Variants in TEKT3 observed in about 807,000 individuals in gnomAD.
The protein encoded by TEKT3 is tektin-3.
TEKT3 carries 49 observed loss-of-function variants against 49.8 expected under a neutral mutation model. The observed-to-expected ratio is 0.98, with a 90% CI of 0.78 to 1.25. The LOEUF is 1.25. Ranked by LOEUF, TEKT3 falls within the 50% of genes most tolerant of loss-of-function variation. The pLI is 0.00. For synonymous variants in TEKT3, 225 were observed against 237.2 expected (o/e 0.95, Z 0.47); for missense variants, 595 against 629.5 (o/e 0.95, Z 0.59).
At chr17:15,318,953 A>G (rs968769736) in intron 5 of TEKT3, 124 bp downstream of exon 5, 13 of 680,870 alleles carry the variant, frequency 1.9e-5, no homozygotes, top group Non-Finnish European at 2.4e-5. Flanking sequence ...TAACATTTGA[A>G]TAAAAATATG....
At chr17:15,309,793 T>A (rs1475144322) in intron 7 of TEKT3, among the ~76,000 whole-genome samples, 3 of 152,178 alleles carry the variant, frequency 2.0e-5, no homozygotes, top group African/African-American at 7.2e-5. Context: ...GCTGCTGTCA[T>A]GAAACTTCAG....
chr17:15,319,388 G>C (rs1049920463), intron 4 of TEKT3, among the ~76,000 whole-genome samples: 1 of 152,136 alleles, frequency 6.6e-6, no homozygotes, highest in African/African-American at 2.4e-5. Context: ...TATGGAACAA[G>C]TGGGGACATG....
At chr17:15,340,377 TAC>T (rs1311798578) in intron 1 of TEKT3, 2 of 63,356 alleles carry the variant, frequency 3.2e-5, no homozygotes, top group South Asian at 4.7e-4. Context: ...CTACTAAAAA[TAC>T]AAAAAAAAAA....
rs994811694 is a variant in TEKT3, at chr17:15,314,126, C to A, written c.839G>T (p.Gly280Val). The change falls in exon 6 of 9, where the codon GGT becomes GTT. Residue 280 changes from glycine to valine, a missense_variant. Transcript: ENST00000395930. ...CTCCACTCCGCGGAAGTAGCCGACA[C>A]CGTCTGATGTGTTGCGCAGGTGGTG... is the stretch of plus-strand genomic sequence containing the variant. Reference protein sequence around the residue: ...KCHHLRNTSDGVGYFRGVERV... With the variant: ...KCHHLRNTSDVVGYFRGVERV... 1.9e-6 allele frequency: 3 copies of A among 1,614,104 alleles called. No homozygotes were observed. Among genetic ancestry groups the A allele is most frequent in the Non-Finnish European group, 2.5e-6 (3 of 1,180,056 alleles).
chr17:15,309,561 C>T (rs544289878), intron 7 of TEKT3, among the ~76,000 whole-genome samples: 2 of 152,274 alleles, frequency 1.3e-5, no homozygotes, highest in South Asian at 4.1e-4. Context: ...TGTAGCTCCA[C>T]ATCCTCCCCA....
chr17:15,303,980 G>C lies in TEKT3; in HGVS notation c.1429C>G (p.Arg477Gly). 1 of 1,614,110 alleles carries C rather than the reference G, an allele frequency of 6.2e-7. No homozygotes were observed. Among genetic ancestry groups the C allele is most frequent in the South Asian group, 1.1e-5 (1 of 91,080 alleles). Residue 477 changes from arginine (R) to glycine (G), a missense_variant, in exon 9 of 9, where the codon CGC becomes GGC. Arg to Gly is a moderately radical substitution (Grantham distance 125). Coordinates refer to ENST00000395930, the MANE Select transcript of TEKT3 (RefSeq NM_031898.3). ...YIDQEKCMSM[R>G]KSYPNTLRLV... ...CGGAGGGTGTTGGGGTAGCTCTTGC[G>C]CATGCTCATGCATTTTTCCTGGTCG... is the stretch of plus-strand genomic sequence containing the variant.
chr17:15,333,967 G>C (rs1309779743), intron 2 of TEKT3, among the ~76,000 whole-genome samples: 1 of 151,860 alleles, frequency 6.6e-6, no homozygotes, highest in Non-Finnish European at 1.5e-5. Flanking sequence ...GTTTCACCAT[G>C]CTAGCCAGGA....
chr17:15,315,123 G>A (rs1040375988), intron 5 of TEKT3, among the ~76,000 whole-genome samples: 4 of 152,200 alleles, frequency 2.6e-5, no homozygotes, highest in South Asian at 2.1e-4. Context: ...CTAAGGAGCC[G>A]ACATGTTTCT....
At chr17:15,317,662 A>G (rs1326280640) in intron 5 of TEKT3, among the ~76,000 whole-genome samples, 1 of 152,194 alleles carries the variant, frequency 6.6e-6, no homozygotes, top group African/African-American at 2.4e-5. Flanking sequence ...CATATTCGAC[A>G]CTACTTCCTT....
At chr17:15,323,740 C>T (rs1237650005) in intron 4 of TEKT3, among the ~76,000 whole-genome samples, 1 of 152,136 alleles carries the variant, frequency 6.6e-6, no homozygotes, top group African/African-American at 2.4e-5. Context: ...AGAATGCATT[C>T]ACTACTTGAA....
chr17:15,321,915 G>T (rs1264476685), intron 4 of TEKT3, among the ~76,000 whole-genome samples: 3 of 152,210 alleles, frequency 2.0e-5, no homozygotes, highest in Non-Finnish European at 4.4e-5. Flanking sequence ...CTCTTGGGAG[G>T]TGGGGCTTGG....
At chr17:15,342,897 T>C (rs1435395963), upstream of TEKT3, among the ~76,000 whole-genome samples, 1 of 152,256 alleles carries the variant, frequency 6.6e-6, no homozygotes, top group Non-Finnish European at 1.5e-5. Context: ...CAGCAACTTT[T>C]TCTACATTCG....
At chr17:15,336,962 A>T (rs959826122) in intron 2 of TEKT3, among the ~76,000 whole-genome samples, 4 of 152,300 alleles carry the variant, frequency 2.6e-5, no homozygotes, top group Non-Finnish European at 5.9e-5. Context: ...CTATCACAAC[A>T]GGCTGAATGA....
chr17:15,308,432 C>T (rs2150732582), intron 8 of TEKT3, among the ~76,000 whole-genome samples: 1 of 152,274 alleles, frequency 6.6e-6, no homozygotes, highest in South Asian at 2.1e-4. Context: ...AGATCAGTGG[C>T]ATTAAGTACA....
chr17:15,331,571 A>G lies in TEKT3; in HGVS notation c.15T>C (p.Gly5=). The G allele has an allele frequency of 6.2e-7, 1 of 1,611,270 alleles. No homozygotes were observed. The highest frequency in any genetic ancestry group is 8.5e-7 in the Non-Finnish European group (1 of 1,178,328). MERV[G]CTLTTTYAHP... is the part of the protein sequence containing the mutation. ...GGGCGTAAGTTGTCGTTAAAGTACA[A>G]CCTACACGTTCCATGATGCCAAAAC... The change falls in exon 3 of 9, where the codon GGT becomes GGC. Residue 5 remains glycine (G), a synonymous_variant. Coordinates refer to ENST00000395930, the MANE Select transcript of TEKT3 (RefSeq NM_031898.3).
At chr17:15,314,950 AC>A (rs1358407865) in intron 5 of TEKT3, among the ~76,000 whole-genome samples, 1 of 152,106 alleles carries the variant, frequency 6.6e-6, no homozygotes, top group Non-Finnish European at 1.5e-5. Flanking sequence ...CAGACAGGGG[AC>A]CCACAGCTTA....
chr17:15,307,047 T>G (rs868400370), intron 8 of TEKT3: 1 of 152,196 alleles, frequency 6.6e-6, no homozygotes, highest in Non-Finnish European at 1.5e-5. Flanking sequence ...CCAGGAGAAA[T>G]ACAACTCATC....
At chr17:15,323,278 G>A (rs609537) in intron 4 of TEKT3, among the ~76,000 whole-genome samples, 24,214 of 152,152 alleles carry the variant, frequency 0.16, 2,043 homozygotes, top group African/African-American at 0.22. Context: ...TGCTTCTGCA[G>A]CATGGAGGAA....
chr17:15,338,474 T>TAAC (rs1912079812), intron 2 of TEKT3: 1 of 151,706 alleles, frequency 6.6e-6, no homozygotes, highest in African/African-American at 2.4e-5. Flanking sequence ...TCACAATGAT[T>TAAC]AACTTACTCT....
Sources: allele counts gnomAD v4.1 joint callset (sites outside exome capture counted in the v4.1 genomes callset), GRCh38; gene constraint gnomAD v4.1.1; transcripts MANE v1.5; gene names NCBI Gene and HGNC (gene_info 2026-07-23, HGNC 2026-07-21).